The following ADAMTSL1 variants were observed in gnomAD, a reference collection of about 807,000 sequenced individuals.
ADAMTSL1 encodes ADAMTS like 1.
In ADAMTSL1, 126 loss-of-function variants were observed where a neutral mutation model predicts 201.8. The observed-to-expected ratio is 0.62, with a 90% CI of 0.54 to 0.72. ADAMTSL1 has a LOEUF of 0.72. ADAMTSL1 is among the 30% of genes least tolerant of loss of function. The pLI, the probability that ADAMTSL1 is intolerant of heterozygous loss-of-function variation, is 0.00. For missense variants in ADAMTSL1, 2,679 were observed against 2,277.8 expected, an observed-to-expected ratio of 1.18 and a Z score of -3.59; for synonymous variants, 1,121 against 903.4, an observed-to-expected ratio of 1.24 and a Z score of -4.32.
At chr9:18,754,565 G>C (rs1819636354) in intron 16 of ADAMTSL1, among the ~76,000 whole-genome samples, 1 of 152,204 alleles carries the variant, frequency 6.6e-6, no homozygotes, top group African/African-American at 2.4e-5. Context: ...GAAAAGGAGA[G>C]AGGACGACAG....
intron 2 of ADAMTSL1, among the ~76,000 whole-genome samples, chr9:18,514,625 C>A (rs1487138401): frequency 6.6e-6 from 1 of 152,150 alleles, no homozygotes; most frequent in African/African-American, 2.4e-5. Context: ...CCACCACGCC[C>A]AGCCTGATTT....
In ADAMTSL1 at chr9:18,399,318, T is replaced by TATATATATATAC. The variant is rs1563934781; in HGVS notation, c.208-105500_208-105499insCATATATATATA. 6.1e-4 allele frequency among the ~76,000 whole-genome samples: 61 copies of TATATATATATAC among 100,768 alleles called. 4 individuals carry two copies. Among genetic ancestry groups the TATATATATATAC allele is most frequent in the South Asian group, 1.5e-3 (4 of 2,648 alleles). The allele number at this position is 100,768 out of a possible 152,430, so 66.1% of individuals were successfully genotyped here. ...ATATATATATATATATATATATATA[T>TATATATATATAC]ATATATATATAAAATTATTATTTTC... On this transcript the variant is annotated intron_variant, in intron 2 of 29. Transcript: ENST00000680146.
chr9:18,857,613 C>T (rs997285623), intron 23 of ADAMTSL1, among the ~76,000 whole-genome samples: 2 of 152,172 alleles, frequency 1.3e-5, no homozygotes, highest in African/African-American at 4.8e-5. Flanking sequence ...ATGCCAGTCT[C>T]TTGATTAAAG....
At chr9:17,979,591 CTT>C (rs1818604953) in intron 1 of ADAMTSL1, among the ~76,000 whole-genome samples, 1 of 150,482 alleles carries the variant, frequency 6.6e-6, no homozygotes, top group Admixed American at 6.6e-5. Flanking sequence ...TGGTACTGAA[CTT>C]TCTTAAGACA....
chr9:17,959,541 C>A (rs1158933081), intron 1 of ADAMTSL1, among the ~76,000 whole-genome samples: 1 of 152,172 alleles, frequency 6.6e-6, no homozygotes, highest in Non-Finnish European at 1.5e-5. Context: ...TCACTGCAAC[C>A]TCTGCCTCCC....
intron 2 of ADAMTSL1, among the ~76,000 whole-genome samples, chr9:18,182,140 G>T (rs1384175153): frequency 1.4e-5 from 2 of 143,832 alleles, no homozygotes; most frequent in Admixed American, 1.4e-4. Context: ...GCCTGTTGTG[G>T]TGTGGGGGGA....
chr9:18,150,417 C>T (rs543084740), intron 1 of ADAMTSL1, among the ~76,000 whole-genome samples: 64 of 152,140 alleles, frequency 4.2e-4, no homozygotes, highest in African/African-American at 1.4e-3. Flanking sequence ...ATGCCTATTA[C>T]ATTTGGTATC....
intron 2 of ADAMTSL1, among the ~76,000 whole-genome samples, chr9:18,431,482 C>G (rs1457660885): frequency 6.6e-6 from 1 of 152,136 alleles, no homozygotes; most frequent in Non-Finnish European, 1.5e-5. Flanking sequence ...TTGGAAGACA[C>G]TGCACTGGGG....
intron 2 of ADAMTSL1, among the ~76,000 whole-genome samples, chr9:18,409,804 A>C: frequency 6.7e-6 from 1 of 150,188 alleles, no homozygotes; most frequent in African/African-American, 2.4e-5. Context: ...AAGACTCCAA[A>C]TTTTTTATAT....
At chr9:18,634,369 G>A (rs575227526) in intron 5 of ADAMTSL1, among the ~76,000 whole-genome samples, 1 of 151,796 alleles carries the variant, frequency 6.6e-6, no homozygotes, top group Non-Finnish European at 1.5e-5. Flanking sequence ...TTCAAGACAA[G>A]CGTGGGCAAC....
intron 19 of ADAMTSL1, among the ~76,000 whole-genome samples, chr9:18,784,848 G>C (rs571449068): frequency 6.6e-6 from 1 of 152,092 alleles, no homozygotes; most frequent in Non-Finnish European, 1.5e-5. Flanking sequence ...AGATTAACTC[G>C]CTCAAAGTCT....
chr9:18,640,274 C>T (rs555026706), intron 7 of ADAMTSL1, among the ~76,000 whole-genome samples: 3 of 152,252 alleles, frequency 2.0e-5, no homozygotes, highest in East Asian at 3.9e-4. Context: ...GCCACATGAA[C>T]GTGAGCAAGA....
At chr9:18,791,104 T>C (rs189858007) in intron 19 of ADAMTSL1, among the ~76,000 whole-genome samples, 8 of 152,350 alleles carry the variant, frequency 5.3e-5, no homozygotes, top group Non-Finnish European at 8.8e-5. Context: ...GCTAAATTAA[T>C]AGAGTAGACT....
chr9:18,111,852 C>T (rs568492902), intron 1 of ADAMTSL1, among the ~76,000 whole-genome samples: 3 of 152,258 alleles, frequency 2.0e-5, no homozygotes, highest in Admixed American at 2.0e-4. Context: ...CTGGTGAGTC[C>T]ACCCCATCAG....
At chr9:18,489,708 T>G (rs1822174577) in intron 1 of ADAMTSL1, among the ~76,000 whole-genome samples, 1 of 152,190 alleles carries the variant, frequency 6.6e-6, no homozygotes, top group Admixed American at 6.5e-5. Context: ...GGCCATTGTG[T>G]GAGATTAAGT....
chr9:18,215,524 A>G (rs1036490840), intron 2 of ADAMTSL1, among the ~76,000 whole-genome samples: 1 of 152,218 alleles, frequency 6.6e-6, no homozygotes, highest in African/African-American at 2.4e-5. Context: ...AATAATGAAT[A>G]TCAGTCATCT....
intron 14 of ADAMTSL1, among the ~76,000 whole-genome samples, chr9:18,709,613 G>A (rs951110393): frequency 6.6e-6 from 1 of 152,132 alleles, no homozygotes; most frequent in East Asian, 1.9e-4. Context: ...TACTATTCTG[G>A]GAGATATAAA....
intron 1 of ADAMTSL1, among the ~76,000 whole-genome samples, chr9:18,063,259 A>G (rs1308447249): frequency 6.6e-6 from 1 of 152,142 alleles, no homozygotes; most frequent in Non-Finnish European, 1.5e-5. Flanking sequence ...TGAGTTAGGG[A>G]GATCACTTGA....
At chr9:17,908,914 T>G (rs959093578) in intron 1 of ADAMTSL1, among the ~76,000 whole-genome samples, 2 of 151,960 alleles carry the variant, frequency 1.3e-5, no homozygotes, top group Non-Finnish European at 2.9e-5. Context: ...CCACAATGGT[T>G]GAACTAGTTT....
Sources: gnomAD v4.1 joint callset for allele counts (sites outside exome capture counted in the v4.1 genomes callset) on GRCh38, gnomAD v4.1.1 for gene constraint, MANE v1.5 for transcripts, NCBI Gene and HGNC (gene_info 2026-07-23, HGNC 2026-07-21) for gene names.